The following TMCC3 variants were observed in gnomAD, a reference collection of about 807,000 sequenced individuals.
The protein encoded by TMCC3 is transmembrane and coiled-coil domain family 3, also known as transmembrane and coiled-coil domain protein 3.
Under a neutral mutation model 40.2 loss-of-function variants are expected in TMCC3, and 28 were observed. The ratio of observed to expected loss-of-function variants is 0.70; its 90% confidence interval spans 0.52 to 0.95. TMCC3 has a LOEUF of 0.95. TMCC3 is among the 40% of genes least tolerant of loss of function. TMCC3 has a pLI of 0.00. For synonymous variants in TMCC3, 255 were observed against 248.5 expected (o/e 1.03, Z -0.25); for missense variants, 554 against 615.2 (o/e 0.90, Z 1.05).
At chr12:94,579,023 C>T (rs2068584742) in intron 2 of TMCC3, among the ~76,000 whole-genome samples, 1 of 152,222 alleles carries the variant, frequency 6.6e-6, no homozygotes, top group African/African-American at 2.4e-5. Flanking sequence ...TACTATTTCC[C>T]AGCATGCAAA....
intron 3 of TMCC3, among the ~76,000 whole-genome samples, chr12:94,578,146 C>CAAAAAAAAAAAAAAAA (rs1183420863): frequency 5.5e-4 from 19 of 34,804 alleles, no homozygotes; most frequent in African/African-American, 8.6e-4. Flanking sequence ...AGACTCACCT[C>CAAAAAAAAAAAAAAAA]AAAAAAAAAA....
intron 3 of TMCC3, among the ~76,000 whole-genome samples, chr12:94,577,437 C>A (rs892869176): frequency 6.6e-6 from 1 of 152,164 alleles, no homozygotes; most frequent in African/African-American, 2.4e-5. Flanking sequence ...ACCCAACCGC[C>A]TTGGCCTCCC....
At chr12:94,573,545 G>A (rs975933394) in intron 3 of TMCC3, among the ~76,000 whole-genome samples, 5 of 152,054 alleles carry the variant, frequency 3.3e-5, no homozygotes, top group East Asian at 1.9e-4. Context: ...CATGCCAGCC[G>A]CTTGCCCTGT....
At chr12:94,607,128 C>T (rs576621444) in intron 1 of TMCC3, among the ~76,000 whole-genome samples, 2 of 152,214 alleles carry the variant, frequency 1.3e-5, no homozygotes. Context: ...TACCCTCTTA[C>T]TTGCACATCC....
At chr12:94,599,565 C>CA (rs1304721739) in intron 1 of TMCC3, among the ~76,000 whole-genome samples, 3 of 133,632 alleles carry the variant, frequency 2.2e-5, no homozygotes, top group Non-Finnish European at 3.2e-5. Context: ...TACCCCCCCC[C>CA]CCGCCCACAC....
chr12:94,649,970 C>A (rs1351080978), intron 1 of TMCC3, among the ~76,000 whole-genome samples: 2 of 152,190 alleles, frequency 1.3e-5, no homozygotes, highest in Admixed American at 1.3e-4. Context: ...ACCGTCACAC[C>A]CAGGGCGAGA....
intron 1 of TMCC3, among the ~76,000 whole-genome samples, chr12:94,646,101 T>C (rs1362237122): frequency 6.6e-6 from 1 of 152,192 alleles, no homozygotes; most frequent in Admixed American, 6.5e-5. Context: ...TGCAAATGGT[T>C]CTGTAGGGAA....
At chr12:94,607,285 AAC>A (rs111282510) in intron 1 of TMCC3, among the ~76,000 whole-genome samples, 35,724 of 151,932 alleles carry the variant, frequency 0.24, 4,980 homozygotes, top group African/African-American at 0.37. Flanking sequence ...ATATTGTTCA[AAC>A]ACACGTTTTA....
Position 94,634,852 on chromosome 12 carries a change from A to T in TMCC3, c.78+15501T>A, listed in dbSNP as rs115132587. Reference sequence around the variant, plus strand: ...CTTTGGCTGGCTTTATGCAACACATAGTACTTGATAATTTGCTTAAGTCAG... The same window carrying T: ...CTTTGGCTGGCTTTATGCAACACATTGTACTTGATAATTTGCTTAAGTCAG... On this transcript the variant is annotated intron_variant, in intron 1 of 3. Coordinates refer to ENST00000261226, the MANE Select transcript of TMCC3 (RefSeq NM_020698.4). Among the ~76,000 whole-genome samples the T allele has an allele frequency of 3.6e-3, 550 of 152,372 alleles. 3 individuals carry two copies. Among genetic ancestry groups the T allele is most frequent in the African/African-American group, 0.012 (513 of 41,604 alleles).
At chr12:94,580,355 T>C (rs2068592751) in intron 2 of TMCC3, among the ~76,000 whole-genome samples, 1 of 152,224 alleles carries the variant, frequency 6.6e-6, no homozygotes, top group South Asian at 2.1e-4. Flanking sequence ...TTTGAATGTA[T>C]ACTTTAATCT....
At chr12:94,594,306 C>A (rs534988855) in intron 1 of TMCC3, among the ~76,000 whole-genome samples, 163 of 152,008 alleles carry the variant, frequency 1.1e-3, no homozygotes, top group Non-Finnish European at 1.8e-3. Flanking sequence ...TAGCTCACTG[C>A]AACCTTGAAC....
intron 1 of TMCC3, among the ~76,000 whole-genome samples, chr12:94,618,489 C>T (rs1259920184): frequency 6.6e-6 from 1 of 152,234 alleles, no homozygotes; most frequent in Non-Finnish European, 1.5e-5. Context: ...TCAAAGCTCA[C>T]TGTTTGGCTC....
At chr12:94,599,410 T>C (rs2068737779) in intron 1 of TMCC3, among the ~76,000 whole-genome samples, 1 of 152,152 alleles carries the variant, frequency 6.6e-6, no homozygotes, top group Non-Finnish European at 1.5e-5. Flanking sequence ...GGAGTATTTG[T>C]GTGTACACAA....
chr12:94,643,008 T>C (rs931397167), intron 1 of TMCC3, among the ~76,000 whole-genome samples: 3 of 152,096 alleles, frequency 2.0e-5, no homozygotes, highest in South Asian at 2.1e-4. Context: ...CTGGCCAACA[T>C]AGTGAAACCC....
At chr12:94,580,734 TCAAACAAA>T (rs113927274) in intron 2 of TMCC3, among the ~76,000 whole-genome samples, 135 of 151,922 alleles carry the variant, frequency 8.9e-4, no homozygotes, top group African/African-American at 2.8e-3. Context: ...AAACTCCATC[TCAAACAAA>T]CAAACAAACA....
chr12:94,571,835 G>A, intron 3 of TMCC3, 98 bp from the exon 4 acceptor site: 5 of 1,278,520 alleles, frequency 3.9e-6, no homozygotes, highest in Non-Finnish European at 5.4e-6. Context: ...AGCTCAGAAA[G>A]CCCAATGCCC....
intron 1 of TMCC3, among the ~76,000 whole-genome samples, chr12:94,609,202 T>G (rs2138857672): frequency 6.6e-6 from 1 of 152,210 alleles, no homozygotes; most frequent in South Asian, 2.1e-4. Context: ...CACACCAGCC[T>G]GGGTGACAGA....
chr12:94,604,412 T>C (rs187152015), intron 1 of TMCC3, among the ~76,000 whole-genome samples: 12 of 152,192 alleles, frequency 7.9e-5, no homozygotes, highest in Middle Eastern at 3.4e-3. Flanking sequence ...TGGGCATCTT[T>C]TGTGAACTAA....
rs772914131 is a variant in TMCC3 at position 94,581,987 on chromosome 12, G to A, written c.630C>T (p.Ile210=). 1 of 1,614,180 alleles carries A rather than the reference G, an allele frequency of 6.2e-7. No homozygotes were observed. The highest frequency in any genetic ancestry group is 8.5e-7 in the Non-Finnish European group (1 of 1,180,044). ...TGTCGGCGCTGCCAAACTTATTCCG[G>A]ATCAGGTTGGCAAACTCTCTGGACT... ...FNKSREFANL[I]RNKFGSADNI... The change falls in exon 2 of 4, where the codon ATC becomes ATT. Residue 210 remains isoleucine, a synonymous_variant. Coordinates refer to ENST00000261226, the MANE Select transcript of TMCC3 (RefSeq NM_020698.4).
Sources: gnomAD v4.1 joint callset for allele counts (sites outside exome capture counted in the v4.1 genomes callset) on GRCh38, gnomAD v4.1.1 for gene constraint, MANE v1.5 for transcripts, NCBI Gene and HGNC (gene_info 2026-07-23, HGNC 2026-07-21) for gene names.